EDNRA: variants seen among roughly 807,000 people sequenced by gnomAD.
EDNRA encodes endothelin receptor type A, also known as endothelin-1 receptor.
EDNRA carries 11 observed loss-of-function variants against 41.4 expected under a neutral mutation model. The observed-to-expected ratio is 0.27, with a 90% CI of 0.17 to 0.44. EDNRA has a LOEUF of 0.44. Among genes scored for constraint, EDNRA ranks in the 20% least tolerant of loss-of-function variants. The probability of loss-of-function intolerance (pLI) is 1.00; values close to 1 mark genes in which losing one functional copy is unlikely to be tolerated. For synonymous variants in EDNRA, 172 were observed against 183.0 expected (o/e 0.94, Z 0.49); for missense variants, 294 against 531.0 (o/e 0.55, Z 4.39).
chr4:147,513,754 T>C (rs1730002829), intron 2 of EDNRA, among the ~76,000 whole-genome samples: 2 of 152,198 alleles, frequency 1.3e-5, no homozygotes, highest in African/African-American at 4.8e-5. Flanking sequence ...TTTGCAGCTA[T>C]TACAGACTGT....
chr4:147,501,822 T>A (rs1379607639), intron 2 of EDNRA, among the ~76,000 whole-genome samples: 1 of 152,230 alleles, frequency 6.6e-6, no homozygotes, highest in Non-Finnish European at 1.5e-5. Context: ...TGTAACCATA[T>A]GCATGTCATG....
intron 2 of EDNRA, among the ~76,000 whole-genome samples, chr4:147,514,776 A>G (rs1331406747): frequency 6.6e-6 from 1 of 152,112 alleles, no homozygotes; most frequent in Non-Finnish European, 1.5e-5. Flanking sequence ...ACCCAGCCCA[A>G]GATTTTTTAT....
chr4:147,493,911 T>C (rs1729221528), intron 2 of EDNRA: 1 of 152,196 alleles, frequency 6.6e-6, no homozygotes, highest in East Asian at 1.9e-4. Context: ...AAATCAAATG[T>C]GCCCTCAGAA....
chr4:147,519,932 T>G lies in EDNRA; in HGVS notation c.502T>G (p.Ser168Ala). The stretch of plus-strand genomic sequence containing the variant: ...GCTGTTCCCCTTTTTGCAGAAGTCC[T>G]CGGTGGGGATCACCGTCCTCAACCT... ...CKLFPFLQKS[S>A]VGITVLNLCA... The change falls in exon 3 of 8, where the codon TCG (serine) becomes GCG (alanine). Residue 168 changes from serine (S) to alanine (A), a missense_variant. By Grantham distance (99) the Ser-to-Ala change is moderately conservative. Transcript: ENST00000651419. This position sits in a 1 kb window ranked among gnomAD's most constrained non-coding sequence, Gnocchi z 4.1. 6.2e-7 allele frequency: 1 copy of G among 1,613,688 alleles called. No homozygotes were observed. The highest frequency in any genetic ancestry group is 8.5e-7 in the Non-Finnish European group (1 of 1,179,694).
intron 2 of EDNRA, chr4:147,490,495 T>G (rs1729102799): frequency 6.6e-6 from 1 of 152,138 alleles, no homozygotes; most frequent in South Asian, 2.1e-4. Context: ...GATTCATTCT[T>G]GTCAATAAAT....
At chr4:147,508,493 A>G (rs999284276) in intron 2 of EDNRA, among the ~76,000 whole-genome samples, 4 of 152,162 alleles carry the variant, frequency 2.6e-5, no homozygotes, top group African/African-American at 4.8e-5. Flanking sequence ...TTTTTCTTCT[A>G]TGGATCATGC....
At chr4:147,524,022 ACTAT>A (rs1052755874) in intron 3 of EDNRA, among the ~76,000 whole-genome samples, 23 of 152,274 alleles carry the variant, frequency 1.5e-4, no homozygotes, top group Middle Eastern at 3.4e-3. Context: ...AAGAAAATAG[ACTAT>A]CTTTTTGATC....
intron 2 of EDNRA, among the ~76,000 whole-genome samples, chr4:147,511,765 G>A (rs1435363857): frequency 1.3e-5 from 2 of 152,136 alleles, no homozygotes; most frequent in African/African-American, 4.8e-5. Context: ...GCACTAGCAT[G>A]TCTGACCATA....
At chr4:147,518,033 C>T (rs143348110) in intron 2 of EDNRA, among the ~76,000 whole-genome samples, 1 of 152,234 alleles carries the variant, frequency 6.6e-6, no homozygotes, top group East Asian at 1.9e-4. Context: ...TCAGGGTCCT[C>T]TTAATCTCCG....
At chr4:147,541,474 C>A (rs1731102597) in intron 7 of EDNRA, among the ~76,000 whole-genome samples, 1 of 152,186 alleles carries the variant, frequency 6.6e-6, no homozygotes, top group Non-Finnish European at 1.5e-5. Flanking sequence ...TAACTATCTA[C>A]CCCAGGTAGT....
chr4:147,486,901 TAA>T lies in EDNRA; in HGVS notation c.420+815_420+816del, dbSNP rs10570878. On this transcript the variant is annotated intron_variant, in intron 2 of 7. Transcript: ENST00000651419. This position sits in a 1 kb window ranked among gnomAD's most constrained non-coding sequence, Gnocchi z 4.3. Reference sequence around the variant, plus strand: ...TATTAGGCCATTTCTACATTGCTATTAAAAAAAAAAAAAAAAGGCTGGGTAAT... The same window carrying T: ...TATTAGGCCATTTCTACATTGCTATTAAAAAAAAAAAAAAGGCTGGGTAAT... Among the ~76,000 whole-genome samples, 54,777 of 139,610 alleles carry T rather than the reference TAA, an allele frequency of 0.39. 11,307 individuals carry two copies. The highest frequency in any genetic ancestry group is 0.57 in the African/African-American group (22,466 of 39,200). The allele number at this position is 139,610 out of a possible 152,430, so 91.6% of individuals were successfully genotyped here.
chr4:147,507,410 C>T (rs1195877464), intron 2 of EDNRA, among the ~76,000 whole-genome samples: 1 of 152,064 alleles, frequency 6.6e-6, no homozygotes, highest in South Asian at 2.1e-4. Context: ...TCCGGAGAAC[C>T]GTGCTAAGTG....
intron 2 of EDNRA, among the ~76,000 whole-genome samples, chr4:147,507,978 T>A (rs369000126): frequency 5.4e-4 from 83 of 152,358 alleles, no homozygotes; most frequent in African/African-American, 1.9e-3. Flanking sequence ...TCTTTGCACA[T>A]TTTTAATTAA....
chr4:147,502,084 C>T lies in EDNRA; in HGVS notation c.420+15983C>T, dbSNP rs541131047. 4.0e-5 allele frequency among the ~76,000 whole-genome samples: 6 copies of T among 151,798 alleles called. No individual in the cohort carries two copies. In the South Asian group the frequency reaches 1.2e-3, roughly 32 times the overall value. Reference sequence around the variant, plus strand: ...GTCAGGGAGGAAGTCTTTTTTTGTTCCTATATGCTAAGATTGCCTATAAAA... The same window carrying T: ...GTCAGGGAGGAAGTCTTTTTTTGTTTCTATATGCTAAGATTGCCTATAAAA... On this transcript the variant is annotated intron_variant, in intron 2 of 7. Transcript: ENST00000651419.
intron 2 of EDNRA, chr4:147,489,266 A>C (rs972087377): frequency 6.6e-6 from 1 of 152,180 alleles, no homozygotes; most frequent in Non-Finnish European, 1.5e-5. Context: ...TCACAAAAAT[A>C]ATATACATTG....
At chr4:147,513,125 T>A (rs1729982435) in intron 2 of EDNRA, among the ~76,000 whole-genome samples, 1 of 152,124 alleles carries the variant, frequency 6.6e-6, no homozygotes, top group African/African-American at 2.4e-5. Context: ...CCCCAAGGAA[T>A]CCAGCTTCAG....
At chr4:147,520,985 G>A (rs945234443) in intron 3 of EDNRA, among the ~76,000 whole-genome samples, 2 of 152,140 alleles carry the variant, frequency 1.3e-5, no homozygotes, top group African/African-American at 4.8e-5. Flanking sequence ...AGCTGGGCAC[G>A]GTGGCTCACA....
chr4:147,500,148 C>T (rs1729463228), intron 2 of EDNRA, among the ~76,000 whole-genome samples: 1 of 152,108 alleles, frequency 6.6e-6, no homozygotes, highest in African/African-American at 2.4e-5. Flanking sequence ...TGAAGTTACT[C>T]AGTCAGAAAA....
rs1730791445 is a variant in EDNRA at position 147,532,695 on chromosome 4, A to C, written c.738A>C (p.Lys246Asn). 1 of 1,614,118 alleles carries C rather than the reference A, an allele frequency of 6.2e-7. No homozygotes were observed. The highest frequency in any genetic ancestry group is 8.5e-7 in the Non-Finnish European group (1 of 1,179,998). The change falls in exon 4 of 8, where the codon AAA becomes AAC. Residue 246 changes from lysine (K) to asparagine (N), a missense_variant. Physicochemically the swap from Lys to Asn is moderately conservative, Grantham distance 94. Around this residue, in one of 3 missense-constraint regions of EDNRA, gnomAD observed 185 missense variants for 390.8 expected, o/e 0.47. Transcript: ENST00000651419. ...CCTGTATGCTCAATGCCACATCAAA[A>C]TTCATGGAGGTACTAAACGTTTAAA... Reference protein sequence around the residue: ...HKTCMLNATSKFMEFYQDVKD... With the variant: ...HKTCMLNATSNFMEFYQDVKD...
Sources: allele counts gnomAD v4.1 joint callset (sites outside exome capture counted in the v4.1 genomes callset), GRCh38; gene constraint gnomAD v4.1.1; regional missense constraint gnomAD v4.1.1; non-coding constraint Gnocchi (gnomAD v3.1); transcripts MANE v1.5; gene names NCBI Gene and HGNC (gene_info 2026-07-23, HGNC 2026-07-21).